TTBK2: variants seen among roughly 807,000 people sequenced by gnomAD.
TTBK2 encodes tau-tubulin kinase 2.
In TTBK2, 28 loss-of-function variants were observed where a neutral mutation model predicts 110.8. The observed-to-expected ratio is 0.25, with a 90% CI of 0.19 to 0.35. TTBK2 has a LOEUF of 0.35. TTBK2 is among the 10% of genes least tolerant of loss of function. The probability of loss-of-function intolerance (pLI) is 1.00; values close to 1 mark genes in which losing one functional copy is unlikely to be tolerated. For synonymous variants in TTBK2, 532 were observed against 527.3 expected (o/e 1.01, Z -0.12); for missense variants, 1,369 against 1,500.3 (o/e 0.91, Z 1.45).
In TTBK2 at chr15:42,746,287, T is replaced by A; in HGVS notation, c.3273-30A>T. On this transcript the variant is annotated intron_variant, in intron 14 of 14. Coordinates refer to ENST00000267890, the MANE Select transcript of TTBK2 (RefSeq NM_173500.4). The stretch of plus-strand genomic sequence containing the variant: ...AAAGAACAGAGAAAATATATTTTAA[T>A]TTTAATTCATTTCAAGTGTGCCTAA... 3 of 1,516,372 alleles carry A rather than the reference T, an allele frequency of 2.0e-6. 1 individual carries two copies. The South Asian group carries it at 3.6e-5, about 18-fold the overall frequency. 93.9% of individuals were successfully genotyped at this position (1,516,372 alleles called of 1,614,324 possible). A position where few individuals can be genotyped will look rare whatever the true frequency, so the allele number is the denominator to read the frequency against.
chr15:42,914,222 C>T (rs1267917960), intron 1 of TTBK2, among the ~76,000 whole-genome samples: 4 of 151,992 alleles, frequency 2.6e-5, no homozygotes, highest in South Asian at 4.1e-4. Flanking sequence ...GTGATCTGCC[C>T]GCCTCAGCCT....
intron 13 of TTBK2, among the ~76,000 whole-genome samples, chr15:42,762,571 G>C (rs1356954049): frequency 6.6e-6 from 1 of 152,092 alleles, no homozygotes; most frequent in Non-Finnish European, 1.5e-5. Flanking sequence ...ACAAAAATTA[G>C]CCAGGCATGG....
At chr15:42,838,353 GGTGTGTGTGTGTGT>G (rs376921873) in intron 4 of TTBK2, among the ~76,000 whole-genome samples, 1 of 147,944 alleles carries the variant, frequency 6.8e-6, no homozygotes, top group South Asian at 2.1e-4. Flanking sequence ...TATAATTCAG[GGTGTGTGTGTGTGT>G]GTGTGTGTGT....
At chr15:42,876,869 T>C (rs1445836098) in intron 2 of TTBK2, among the ~76,000 whole-genome samples, 1 of 152,126 alleles carries the variant, frequency 6.6e-6, no homozygotes, top group African/African-American at 2.4e-5. Context: ...GTGAAGTGTG[T>C]CCCCTTAGTC....
At chr15:42,797,584 G>C (rs1298062232) in intron 9 of TTBK2, among the ~76,000 whole-genome samples, 1 of 152,170 alleles carries the variant, frequency 6.6e-6, no homozygotes, top group Non-Finnish European at 1.5e-5. Context: ...TCGGGAGCAG[G>C]GTGGCGCTAA....
At chr15:42,891,304 G>T (rs1895446892) in intron 1 of TTBK2, among the ~76,000 whole-genome samples, 7 of 150,778 alleles carry the variant, frequency 4.6e-5, no homozygotes. Context: ...AGCTTCCCAA[G>T]TAGCTAGACT....
At chr15:42,806,434 C>T (rs953212987) in intron 9 of TTBK2, among the ~76,000 whole-genome samples, 4 of 152,178 alleles carry the variant, frequency 2.6e-5, no homozygotes, top group Non-Finnish European at 5.9e-5. Context: ...GATCACCATG[C>T]TCCTGTTTAT....
intron 7 of TTBK2, among the ~76,000 whole-genome samples, chr15:42,816,092 ATATATATATAT>A (rs1892008469): frequency 1.9e-5 from 2 of 108,066 alleles, no homozygotes; most frequent in South Asian, 5.4e-4. Context: ...ATAAATATAT[ATATATATATAT>A]ATATATATAT....
intron 7 of TTBK2, among the ~76,000 whole-genome samples, chr15:42,813,256 T>G (rs1291561243): frequency 6.6e-6 from 1 of 152,176 alleles, no homozygotes; most frequent in African/African-American, 2.4e-5. Flanking sequence ...GCACGGTTGC[T>G]CATGCCTGTA....
At position 42,741,795 on chromosome 15, in the gene TTBK2, G is replaced by A. The variant is rs544149338; in HGVS notation, c.*4000C>T. 8 of 151,828 alleles carry A rather than the reference G, an allele frequency of 5.3e-5. No homozygotes were observed. Among genetic ancestry groups the A allele is most frequent in the Non-Finnish European group, 8.8e-5 (6 of 67,952 alleles). The allele number at this position is 151,828 out of a possible 1,614,324, so 9.4% of individuals were successfully genotyped here. A position where few individuals can be genotyped will look rare whatever the true frequency, so the allele number is the denominator to read the frequency against. On this transcript the variant is annotated 3_prime_UTR_variant, in exon 15 of 15. Transcript: ENST00000267890. ...CAGGGGAAAATGCATTTTTTTCACC[G>A]AGTCTCACTAAATCATTCTGAATTC...
At chr15:42,878,020 A>G (rs1022775390) in intron 2 of TTBK2, among the ~76,000 whole-genome samples, 1 of 105,560 alleles carries the variant, frequency 9.5e-6, no homozygotes, top group Non-Finnish European at 1.9e-5. Context: ...TTCCTTAATA[A>G]AAAAAAAAAA....
intron 1 of TTBK2, among the ~76,000 whole-genome samples, chr15:42,902,578 T>C (rs937463507): frequency 5.9e-5 from 9 of 151,986 alleles, no homozygotes; most frequent in Non-Finnish European, 1.3e-4. Flanking sequence ...AATATGGCCA[T>C]TATAAAAAAT....
chr15:42,777,239 C>G lies in TTBK2; in HGVS notation c.1201G>C (p.Ala401Pro), dbSNP rs768906005. ...CCATGGCTGTTCTCCTCTTCAGTAG[C>G]AGCCTATCCAAAATATAAAATAAAA... ...NKIKLGICKAATEEENSHGQA... is the reference protein window; with the variant it reads ...NKIKLGICKAPTEEENSHGQA... The change falls in exon 12 of 15, where the codon GCT becomes CCT. Residue 401 changes from alanine (A) to proline (P), a missense_variant. This residue lies in a region of TTBK2 where 1,097 missense variants were observed against 1,114.7 expected (regional missense o/e 0.98). Transcript: ENST00000267890. 5 of 1,613,982 alleles carry G rather than the reference C, an allele frequency of 3.1e-6. No individual in the cohort carries two copies. Among genetic ancestry groups the G allele is most frequent in the Non-Finnish European group, 3.4e-6 (4 of 1,180,014 alleles).
intron 1 of TTBK2, among the ~76,000 whole-genome samples, chr15:42,911,914 G>C (rs1330514927): frequency 2.0e-5 from 3 of 151,970 alleles, no homozygotes; most frequent in Non-Finnish European, 4.4e-5. Context: ...AACTGTCTTA[G>C]ACCACACATG....
intron 3 of TTBK2, among the ~76,000 whole-genome samples, chr15:42,865,670 A>C (rs144774414): frequency 6.6e-6 from 1 of 152,056 alleles, no homozygotes; most frequent in East Asian, 1.9e-4. Context: ...CAACTTTTTA[A>C]AACTTAGCTA....
In TTBK2 at chr15:42,849,558, T is replaced by A. The variant is rs187057629; in HGVS notation, c.218-9125A>T. 4.6e-5 allele frequency among the ~76,000 whole-genome samples: 7 copies of A among 152,330 alleles called. No homozygotes were observed. The East Asian group carries it at 1.3e-3, about 29-fold the overall frequency. On this transcript the variant is annotated intron_variant, in intron 3 of 14. Transcript: ENST00000267890. ...CATTTTGAATATTATGTTATGAGACTCTAGGTCTTATTCAAGTTCCACCAA... is the reference window on the plus strand; with the variant it reads ...CATTTTGAATATTATGTTATGAGACACTAGGTCTTATTCAAGTTCCACCAA...
intron 2 of TTBK2, among the ~76,000 whole-genome samples, chr15:42,876,404 T>C (rs987901826): frequency 4.6e-5 from 7 of 152,158 alleles, no homozygotes; most frequent in Non-Finnish European, 1.0e-4. Context: ...AAACCAGCCT[T>C]AACACAGTGC....
intron 3 of TTBK2, among the ~76,000 whole-genome samples, chr15:42,869,481 T>A (rs1375986624): frequency 2.7e-5 from 4 of 146,966 alleles, no homozygotes; most frequent in South Asian, 4.3e-4. Context: ...AACAACAAAA[T>A]AATTTTGTAA....
intron 3 of TTBK2, among the ~76,000 whole-genome samples, chr15:42,844,681 C>G (rs1296856101): frequency 6.6e-6 from 1 of 152,154 alleles, no homozygotes; most frequent in Non-Finnish European, 1.5e-5. Context: ...TTATATTCTC[C>G]ATTTTTCAAA....
Sources: allele counts gnomAD v4.1 joint callset (sites outside exome capture counted in the v4.1 genomes callset), GRCh38; gene constraint gnomAD v4.1.1; regional missense constraint gnomAD v4.1.1; transcripts MANE v1.5; gene names NCBI Gene and HGNC (gene_info 2026-07-23, HGNC 2026-07-21).